ADAM12: variants seen among roughly 807,000 people sequenced by gnomAD.
ADAM12 encodes disintegrin and metalloproteinase domain-containing protein 12.
Under a neutral mutation model 106.4 loss-of-function variants are expected in ADAM12, and 70 were observed. That is an observed-to-expected ratio of 0.66 (90% confidence interval 0.54 to 0.80). The LOEUF (loss-of-function observed/expected upper bound fraction) is 0.80. Among genes scored for constraint, ADAM12 ranks in the 30% least tolerant of loss-of-function variants. The pLI is 0.00. For missense variants in ADAM12, 1,010 were observed against 1,171.9 expected (o/e 0.86, Z 2.02); for synonymous variants, 420 against 433.5 (o/e 0.97, Z 0.39).
chr10:126,266,085 G>A (rs1164778098), intron 3 of ADAM12, among the ~76,000 whole-genome samples: 1 of 152,122 alleles, frequency 6.6e-6, no homozygotes, highest in Admixed American at 6.5e-5. Context: ...TTGCACACAG[G>A]CGATGGGTAC....
At chr10:126,234,178 T>G (rs1958369424) in intron 3 of ADAM12, among the ~76,000 whole-genome samples, 1 of 152,132 alleles carries the variant, frequency 6.6e-6, no homozygotes, top group Non-Finnish European at 1.5e-5. Context: ...AGAAAAAAGA[T>G]GGGAAGGAAG....
chr10:126,246,704 T>C (rs1296709636), intron 3 of ADAM12, among the ~76,000 whole-genome samples: 2 of 152,184 alleles, frequency 1.3e-5, no homozygotes, highest in African/African-American at 2.4e-5. Context: ...TTAAAAACTT[T>C]CAATAAACTA....
chr10:126,177,817 G>A (rs536115790), intron 3 of ADAM12, among the ~76,000 whole-genome samples: 14 of 152,198 alleles, frequency 9.2e-5, no homozygotes, highest in Admixed American at 1.3e-4. Context: ...AATTAACTGC[G>A]GCTGAAGTCC....
chr10:126,338,315 G>T (rs911947255), intron 1 of ADAM12, among the ~76,000 whole-genome samples: 1 of 145,582 alleles, frequency 6.9e-6, no homozygotes, highest in African/African-American at 2.5e-5. Context: ...TGCAGTGGCG[G>T]GATCTCGGCT....
chr10:126,246,456 C>T (rs540936708), intron 3 of ADAM12, among the ~76,000 whole-genome samples: 2 of 152,164 alleles, frequency 1.3e-5, no homozygotes, highest in Non-Finnish European at 2.9e-5. Flanking sequence ...GGCCAATATC[C>T]TTGATGAACA....
chr10:126,214,266 C>T (rs917904415), intron 3 of ADAM12, among the ~76,000 whole-genome samples: 1 of 152,138 alleles, frequency 6.6e-6, no homozygotes, highest in Non-Finnish European at 1.5e-5. Flanking sequence ...CCTGGCTCGA[C>T]CCTTCATTAG....
At chr10:126,197,247 T>G (rs1274341271) in intron 3 of ADAM12, among the ~76,000 whole-genome samples, 1 of 151,992 alleles carries the variant, frequency 6.6e-6, no homozygotes, top group Non-Finnish European at 1.5e-5. Flanking sequence ...CTACAGGGAG[T>G]GACAAGGCAT....
chr10:126,248,685 G>GTATGTATT (rs1291820531), intron 3 of ADAM12, among the ~76,000 whole-genome samples: 1,557 of 66,804 alleles, frequency 0.023, 21 homozygotes, highest in African/African-American at 0.093. Context: ...ATGTATGTAT[G>GTATGTATT]TATTTATTTA....
intron 21 of ADAM12, among the ~76,000 whole-genome samples, chr10:126,024,309 C>A (rs567597079): frequency 3.0e-4 from 45 of 152,218 alleles, no homozygotes; most frequent in African/African-American, 1.1e-3. Flanking sequence ...GGATATATAT[C>A]TGAAACTTAA....
intron 5 of ADAM12, among the ~76,000 whole-genome samples, chr10:126,132,532 C>CA (rs914916867): frequency 2.1e-5 from 3 of 141,782 alleles, no homozygotes; most frequent in Non-Finnish European, 4.6e-5. Flanking sequence ...ACACCCCCCC[C>CA]CCCTCAACTA....
chr10:126,266,361 T>G (rs1357431419), intron 3 of ADAM12, among the ~76,000 whole-genome samples: 1 of 151,836 alleles, frequency 6.6e-6, no homozygotes, highest in Non-Finnish European at 1.5e-5. Flanking sequence ...ACCATCAAAA[T>G]GAAGGAGGAA....
intron 10 of ADAM12, among the ~76,000 whole-genome samples, chr10:126,096,156 A>G (rs1261749198): frequency 6.6e-6 from 1 of 152,244 alleles, no homozygotes; most frequent in Non-Finnish European, 1.5e-5. Flanking sequence ...AAATAACACA[A>G]TGGTGAAGAG....
Position 126,041,170 on chromosome 10 carries a change from T to C in ADAM12, c.2105-1741A>G, listed in dbSNP as rs146146409. 4.1e-3 allele frequency among the ~76,000 whole-genome samples: 620 copies of C among 152,166 alleles called. 8 individuals carry two copies. Among genetic ancestry groups the C allele is most frequent in the African/African-American group, 0.014 (592 of 41,510 alleles). ...GCAGTCGTACCCCTCACTTATGCCA[T>C]GTCATTCTTGCTTAATGTCTCTCCA... On this transcript the variant is annotated intron_variant, in intron 18 of 22. Transcript: ENST00000448723.
At chr10:126,272,905 C>A (rs896845194) in intron 3 of ADAM12, 7 of 265,484 alleles carry the variant, frequency 2.6e-5, no homozygotes, top group Non-Finnish European at 4.9e-5. Flanking sequence ...AAAACTTGTT[C>A]TCTTGGGTTG....
At chr10:126,124,539 G>C (rs1394803360) in intron 5 of ADAM12, among the ~76,000 whole-genome samples, 1 of 151,952 alleles carries the variant, frequency 6.6e-6, no homozygotes, top group Non-Finnish European at 1.5e-5. Context: ...TCATGACCAG[G>C]GTGTGGGAGC....
intron 3 of ADAM12, among the ~76,000 whole-genome samples, chr10:126,178,679 A>C (rs575866302): frequency 2.6e-5 from 4 of 152,320 alleles, no homozygotes; most frequent in African/African-American, 9.6e-5. Flanking sequence ...TCTTGGAGGT[A>C]CTTTGTAGAA....
intron 1 of ADAM12, among the ~76,000 whole-genome samples, chr10:126,364,695 A>C (rs972072172): frequency 3.3e-5 from 5 of 152,218 alleles, no homozygotes; most frequent in Non-Finnish European, 5.9e-5. Context: ...AATTAAAAGA[A>C]GACAAATCTT....
chr10:126,165,803 T>C (rs1957014669), intron 3 of ADAM12, among the ~76,000 whole-genome samples: 1 of 152,256 alleles, frequency 6.6e-6, no homozygotes, highest in Non-Finnish European at 1.5e-5. Context: ...ACGCTATTTC[T>C]CTTCACACGC....
At chr10:126,046,197 T>C in intron 16 of ADAM12, 65 bp from the exon 17 acceptor site, 1 of 1,420,286 alleles carries the variant, frequency 7.0e-7, no homozygotes, top group Non-Finnish European at 1.0e-6. Flanking sequence ...CATGCATACA[T>C]ACCTGTATTC....
Sources: allele counts gnomAD v4.1 joint callset (sites outside exome capture counted in the v4.1 genomes callset), GRCh38; gene constraint gnomAD v4.1.1; transcripts MANE v1.5; gene names NCBI Gene and HGNC (gene_info 2026-07-23, HGNC 2026-07-21).